PBX3: variants seen among roughly 807,000 people sequenced by gnomAD.
PBX3 encodes the protein pre-B-cell leukemia transcription factor 3.
Under a neutral mutation model 48.5 loss-of-function variants are expected in PBX3, and 14 were observed. The observed-to-expected ratio is 0.29, with a 90% confidence interval of 0.19 to 0.45. The LOEUF is 0.45. Ranked by LOEUF, PBX3 falls within the 20% of genes least tolerant of loss-of-function variation. The pLI is 1.00. For missense variants in PBX3, 386 were observed against 546.7 expected, an observed-to-expected ratio of 0.71 and a Z score of 2.93; for synonymous variants, 210 against 200.3, an observed-to-expected ratio of 1.05 and a Z score of -0.41.
intron 2 of PBX3, among the ~76,000 whole-genome samples, chr9:125,754,543 TG>T (rs1836459633): frequency 6.6e-6 from 1 of 152,092 alleles, no homozygotes. Flanking sequence ...AAGTAATTCT[TG>T]AATGAGCTAC....
In PBX3 at chr9:125,926,735, G is replaced by A. The variant is rs574730035; in HGVS notation, c.517-2920G>A. The stretch of plus-strand genomic sequence containing the variant: ...CTTGGGAGGCTGAGGCAGGAGAATC[G>A]CTTGAACTTGGGAGGCGGAGATTGC... On this transcript the variant is annotated intron_variant, in intron 3 of 8. Coordinates refer to ENST00000373489, the MANE Select transcript of PBX3 (RefSeq NM_006195.6). Among the ~76,000 whole-genome samples, 35 of 152,192 alleles carry A rather than the reference G, an allele frequency of 2.3e-4. 1 individual carries two copies. Among genetic ancestry groups the A allele is most frequent in the East Asian group, 9.7e-4 (5 of 5,176 alleles).
chr9:125,960,933 C>A, intron 6 of PBX3, 84 bp downstream of exon 6: 1 of 1,236,042 alleles, frequency 8.1e-7, no homozygotes, highest in Non-Finnish European at 1.1e-6. Flanking sequence ...AAACAAGAGC[C>A]ATACTGAGGA....
chr9:125,946,630 T>G (rs1842069234), intron 5 of PBX3, among the ~76,000 whole-genome samples: 2 of 152,084 alleles, frequency 1.3e-5, no homozygotes, highest in Admixed American at 1.3e-4. Flanking sequence ...GGAAAATCAG[T>G]GGACTGGAAG....
At chr9:125,780,627 T>A (rs1266734563) in intron 2 of PBX3, among the ~76,000 whole-genome samples, 1 of 108,372 alleles carries the variant, frequency 9.2e-6, no homozygotes, top group African/African-American at 3.6e-5. Flanking sequence ...ACGGGGCGGC[T>A]GGCCGGGCGG....
At chr9:125,905,877 C>T (rs1841059187) in intron 2 of PBX3, among the ~76,000 whole-genome samples, 1 of 151,946 alleles carries the variant, frequency 6.6e-6, no homozygotes, top group African/African-American at 2.4e-5. Flanking sequence ...TGCTCTGAAG[C>T]TTCTGCCATT....
chr9:125,820,698 T>C (rs145401270), intron 2 of PBX3, among the ~76,000 whole-genome samples: 202 of 152,328 alleles, frequency 1.3e-3, no homozygotes, highest in African/African-American at 4.0e-3. Context: ...AGCACCTAGA[T>C]ATAGTTAATG....
intron 2 of PBX3, among the ~76,000 whole-genome samples, chr9:125,750,251 C>T (rs1325743687): frequency 6.6e-6 from 1 of 152,162 alleles, no homozygotes; most frequent in Admixed American, 6.5e-5. Flanking sequence ...TTTATACAGC[C>T]TTATATTACT....
chr9:125,841,025 T>G (rs1265325386), intron 2 of PBX3, among the ~76,000 whole-genome samples: 1 of 152,194 alleles, frequency 6.6e-6, no homozygotes, highest in African/African-American at 2.4e-5. Flanking sequence ...TAGAAATTCT[T>G]AAATTATTAT....
At chr9:125,942,808 G>C (rs1387844412) in intron 5 of PBX3, among the ~76,000 whole-genome samples, 1 of 152,172 alleles carries the variant, frequency 6.6e-6, no homozygotes, top group South Asian at 2.1e-4. Flanking sequence ...AGTGCGCAGA[G>C]AATAAAAGAG....
chr9:125,788,610 C>T (rs1182781251), intron 2 of PBX3, among the ~76,000 whole-genome samples: 2 of 152,020 alleles, frequency 1.3e-5, no homozygotes, highest in African/African-American at 4.8e-5. Context: ...TGGTGGCTTA[C>T]GTCTGTAATC....
intron 2 of PBX3, among the ~76,000 whole-genome samples, chr9:125,889,768 G>T (rs1024161332): frequency 1.6e-4 from 24 of 150,294 alleles, no homozygotes; most frequent in African/African-American, 5.8e-4. Context: ...GGGGAGCGGG[G>T]CCGGGCCGCG....
chr9:125,748,543 T>C lies in PBX3; in HGVS notation c.201-7T>C. The C allele has an allele frequency of 6.2e-7, 1 of 1,613,482 alleles. No homozygotes were observed. The highest frequency in any genetic ancestry group is 1.1e-5 in the South Asian group (1 of 91,054). ...AATACCTTTGTGTTTCGTTATTTGT[T>C]TTTTAGGAAACATGCCCTGAACTGT... On this transcript the variant is annotated splice_region_variant and splice_polypyrimidine_tract_variant and intron_variant, in intron 1 of 8. Transcript: ENST00000373489.
intron 2 of PBX3, among the ~76,000 whole-genome samples, chr9:125,886,047 G>A (rs889088075): frequency 1.3e-5 from 2 of 151,986 alleles, no homozygotes; most frequent in African/African-American, 4.8e-5. Flanking sequence ...TATCCCTGGG[G>A]CCCTGAGTCT....
At chr9:125,817,611 A>C (rs749374317) in intron 2 of PBX3, among the ~76,000 whole-genome samples, 1 of 152,224 alleles carries the variant, frequency 6.6e-6, no homozygotes, top group South Asian at 2.1e-4. Context: ...AATTGTGCAC[A>C]ATGGCTACCC....
At chr9:125,932,633 A>G (rs1841743450) in intron 4 of PBX3, among the ~76,000 whole-genome samples, 1 of 152,254 alleles carries the variant, frequency 6.6e-6, no homozygotes, top group South Asian at 2.1e-4. Context: ...GTCTAATTTG[A>G]GCATTTTAAT....
At chr9:125,908,652 G>A (rs1318383179) in intron 2 of PBX3, among the ~76,000 whole-genome samples, 1 of 152,016 alleles carries the variant, frequency 6.6e-6, no homozygotes, top group African/African-American at 2.4e-5. Context: ...AACACATAGA[G>A]TAGCTGGGGT....
chr9:125,806,878 G>T (rs1564665367), intron 2 of PBX3, among the ~76,000 whole-genome samples: 1 of 152,220 alleles, frequency 6.6e-6, no homozygotes, highest in Non-Finnish European at 1.5e-5. Context: ...CCAAATCTAA[G>T]ACCACCCATG....
chr9:125,813,272 T>A (rs75943001), intron 2 of PBX3, among the ~76,000 whole-genome samples: 3,054 of 152,240 alleles, frequency 0.02, 172 homozygotes, highest in East Asian at 0.17. Flanking sequence ...TTTTACTTTT[T>A]AATTTTTTTT....
intron 2 of PBX3, among the ~76,000 whole-genome samples, chr9:125,902,601 G>A (rs531407141): frequency 1.3e-5 from 2 of 151,638 alleles, no homozygotes; most frequent in Non-Finnish European, 3.0e-5. Context: ...ATATAAAAAT[G>A]TTTATTGATG....
Sources: gnomAD v4.1 joint callset for allele counts (sites outside exome capture counted in the v4.1 genomes callset) on GRCh38, gnomAD v4.1.1 for gene constraint, MANE v1.5 for transcripts, NCBI Gene and HGNC (gene_info 2026-07-23, HGNC 2026-07-21) for gene names.